Variants in PITPNC1 observed in about 807,000 individuals in gnomAD.
PITPNC1 encodes the protein cytoplasmic phosphatidylinositol transfer protein 1.
PITPNC1 carries 18 observed loss-of-function variants against 44.7 expected under a neutral mutation model. That is an observed-to-expected ratio of 0.40 (90% CI 0.28 to 0.60). The LOEUF is 0.60. PITPNC1 is among the 20% of genes least tolerant of loss of function. PITPNC1 has a pLI of 0.39. For missense variants in PITPNC1, 290 were observed against 418.4 expected, an observed-to-expected ratio of 0.69 and a Z score of 2.68; for synonymous variants, 141 against 149.6, an observed-to-expected ratio of 0.94 and a Z score of 0.42.
chr17:67,551,075 C>T (rs1328638953), intron 2 of PITPNC1, among the ~76,000 whole-genome samples: 2 of 151,626 alleles, frequency 1.3e-5, no homozygotes, highest in African/African-American at 2.4e-5. Flanking sequence ...CAAAACAAAA[C>T]AAAACAAACA....
rs1209977482 is a variant in PITPNC1, at chr17:67,575,879, C to CTTTTTTTT, written c.295-2299_295-2292dup. ...CTTTCCTTCCTTCTTTCTTTCTTTC[C>CTTTTTTTT]TTTTTTTTTTTTTTTGAGACTGAGT... On this transcript the variant is annotated intron_variant, in intron 4 of 8. Coordinates refer to ENST00000581322, the MANE Select transcript of PITPNC1 (RefSeq NM_012417.4). Among the ~76,000 whole-genome samples, 43 of 15,904 alleles carry CTTTTTTTT rather than the reference C, an allele frequency of 2.7e-3. 1 individual carries two copies. The highest frequency in any genetic ancestry group is 6.8e-3 in the African/African-American group (41 of 6,064). 10.4% of individuals were successfully genotyped at this position (15,904 alleles called of 152,430 possible). A position where few individuals can be genotyped will look rare whatever the true frequency, so the allele number is the denominator to read the frequency against.
intron 8 of PITPNC1, among the ~76,000 whole-genome samples, chr17:67,688,590 G>C (rs2042864199): frequency 6.6e-6 from 1 of 152,116 alleles, no homozygotes; most frequent in Non-Finnish European, 1.5e-5. Context: ...GCAGGAAACT[G>C]TTGGAGCAAG....
intron 8 of PITPNC1, among the ~76,000 whole-genome samples, chr17:67,686,181 A>G (rs1417600004): frequency 6.6e-6 from 1 of 150,672 alleles, no homozygotes. Flanking sequence ...CTTTGGTACT[A>G]TTGACATTTT....
In PITPNC1 at chr17:67,676,829, T is replaced by C. The variant is rs2042611972; in HGVS notation, c.682+1287T>C. On this transcript the variant is annotated intron_variant, in intron 8 of 8. Transcript: ENST00000581322. The surrounding 1 kb of genome is among the most constrained non-coding windows in gnomAD (Gnocchi z 4.0). ...TAAGCTATGGGCTTTTCTTTTTTTT[T>C]TCTTTTTTTCTTACCTCCTTTTGCA... is the stretch of plus-strand genomic sequence containing the variant. Among the ~76,000 whole-genome samples, 1 of 152,156 alleles carries C rather than the reference T, an allele frequency of 6.6e-6. No individual in the cohort carries two copies. Among genetic ancestry groups the C allele is most frequent in the African/African-American group, 2.4e-5 (1 of 41,426 alleles).
At chr17:67,593,166 G>A (rs181561634) in intron 5 of PITPNC1, among the ~76,000 whole-genome samples, 6 of 152,272 alleles carry the variant, frequency 3.9e-5, no homozygotes, top group Admixed American at 1.3e-4. Flanking sequence ...TATGGATGCA[G>A]ATGCATTTAT....
intron 1 of PITPNC1, among the ~76,000 whole-genome samples, chr17:67,464,427 T>C (rs2039393731): frequency 6.6e-6 from 1 of 152,158 alleles, no homozygotes; most frequent in Non-Finnish European, 1.5e-5. Flanking sequence ...TTCAATGAAT[T>C]TCTAAATGGA....
intron 6 of PITPNC1, among the ~76,000 whole-genome samples, chr17:67,667,637 G>A (rs2144397756): frequency 6.6e-6 from 1 of 151,216 alleles, no homozygotes; most frequent in Admixed American, 6.6e-5. Flanking sequence ...TTGGCTAATG[G>A]CAATCATTAG....
In PITPNC1 at chr17:67,565,365, T is replaced by C. The variant is rs147178148; in HGVS notation, c.294+11748T>C. 8.8e-3 allele frequency among the ~76,000 whole-genome samples: 1,342 copies of C among 152,212 alleles called. 23 individuals carry two copies. The highest frequency in any genetic ancestry group is 0.031 in the African/African-American group (1,277 of 41,512). On this transcript the variant is annotated intron_variant, in intron 4 of 8. Coordinates refer to ENST00000581322, the MANE Select transcript of PITPNC1 (RefSeq NM_012417.4). ...TTTCAGTGTGTATACTTGTTTTCCA[T>C]GTTTTCCAGTGTGTATACTAGTTTT...
At chr17:67,582,017 G>T (rs1434109975) in intron 5 of PITPNC1, among the ~76,000 whole-genome samples, 1 of 152,064 alleles carries the variant, frequency 6.6e-6, no homozygotes, top group African/African-American at 2.4e-5. Flanking sequence ...TGGGTGACAA[G>T]AGTGAAACTC....
At chr17:67,660,518 T>TTTA (rs1555578636) in intron 6 of PITPNC1, among the ~76,000 whole-genome samples, 21 of 139,428 alleles carry the variant, frequency 1.5e-4, no homozygotes, top group African/African-American at 5.3e-4. Context: ...TTTTATTTTA[T>TTTA]TTTATTTATT....
At chr17:67,401,739 G>T (rs2038315757) in intron 1 of PITPNC1, among the ~76,000 whole-genome samples, 1 of 151,948 alleles carries the variant, frequency 6.6e-6, no homozygotes, top group South Asian at 2.1e-4. Context: ...AGATACTCAG[G>T]AGGCTGAGGC....
intron 1 of PITPNC1, chr17:67,457,118 T>G (rs941133380): frequency 6.6e-6 from 1 of 152,188 alleles, no homozygotes; most frequent in Non-Finnish European, 1.5e-5. Flanking sequence ...TCACCCCTCC[T>G]TAGGCAGCCT....
intron 1 of PITPNC1, among the ~76,000 whole-genome samples, chr17:67,512,297 G>A (rs930383225): frequency 6.6e-6 from 1 of 152,188 alleles, no homozygotes; most frequent in Non-Finnish European, 1.5e-5. Context: ...TCAGGAGTTT[G>A]AGGCCAGCCT....
In PITPNC1 at chr17:67,624,978, A is replaced by AT. The variant is rs554890578; in HGVS notation, c.367-7163dup. 4.6e-5 allele frequency among the ~76,000 whole-genome samples: 7 copies of AT among 152,330 alleles called. No homozygotes were observed. The South Asian group carries it at 1.4e-3, about 32-fold the overall frequency. On this transcript the variant is annotated intron_variant, in intron 5 of 8. Coordinates refer to ENST00000581322, the MANE Select transcript of PITPNC1 (RefSeq NM_012417.4). ...TAATTTTGGAATCTATAACATGGTAATTATTCAGATTTGCCTTCCCCATGT... is the reference window on the plus strand; with the variant it reads ...TAATTTTGGAATCTATAACATGGTAATTTATTCAGATTTGCCTTCCCCATGT...
chr17:67,663,383 C>T (rs2042376278), intron 6 of PITPNC1, among the ~76,000 whole-genome samples: 1 of 151,976 alleles, frequency 6.6e-6, no homozygotes, highest in South Asian at 2.1e-4. Context: ...TCCTGGCTAA[C>T]ACAGTGAAAC....
At chr17:67,485,944 T>C (rs1229172081) in intron 1 of PITPNC1, among the ~76,000 whole-genome samples, 2 of 152,154 alleles carry the variant, frequency 1.3e-5, no homozygotes, top group Non-Finnish European at 2.9e-5. Context: ...TCTGCAAATG[T>C]TACCCTAACA....
At chr17:67,635,156 A>G (rs2042018807) in intron 6 of PITPNC1, among the ~76,000 whole-genome samples, 1 of 152,176 alleles carries the variant, frequency 6.6e-6, no homozygotes, top group African/African-American at 2.4e-5. Context: ...ATTGTTCTGG[A>G]TGGAGAATGG....
At chr17:67,393,420 AT>A (rs747874972) in intron 1 of PITPNC1, among the ~76,000 whole-genome samples, 7 of 151,106 alleles carry the variant, frequency 4.6e-5, no homozygotes, top group Non-Finnish European at 7.4e-5. Flanking sequence ...TTTTTTTTTA[AT>A]TGGTTATTAC....
At chr17:67,403,984 T>G (rs955314675) in intron 1 of PITPNC1, among the ~76,000 whole-genome samples, 18 of 152,332 alleles carry the variant, frequency 1.2e-4, no homozygotes, top group African/African-American at 3.4e-4. Flanking sequence ...ATTGCGCCGC[T>G]GCTCTCCAGC....
Sources: allele counts gnomAD v4.1 joint callset (sites outside exome capture counted in the v4.1 genomes callset), GRCh38; gene constraint gnomAD v4.1.1; non-coding constraint Gnocchi (gnomAD v3.1); transcripts MANE v1.5; gene names NCBI Gene and HGNC (gene_info 2026-07-23, HGNC 2026-07-21).